The following MYO3B variants were observed in gnomAD, a reference collection of about 807,000 sequenced individuals.
MYO3B encodes the protein myosin-IIIb.
MYO3B carries 156 observed loss-of-function variants against 174.6 expected under a neutral mutation model. The observed-to-expected ratio is 0.89, with a 90% CI of 0.78 to 1.02. The LOEUF is 1.02. Among genes scored for constraint, MYO3B ranks in the 50% least tolerant of loss-of-function variants. The probability of loss-of-function intolerance (pLI) is 0.00; values close to 1 mark genes in which losing one functional copy is unlikely to be tolerated. For synonymous variants in MYO3B, 563 were observed against 569.1 expected (o/e 0.99, Z 0.15); for missense variants, 1,632 against 1,639.4 (o/e 1.00, Z 0.08).
intron 33 of MYO3B, 134 bp from the exon 34 acceptor site, chr2:170,651,974 T>C: frequency 1.1e-6 from 1 of 885,358 alleles, no homozygotes; most frequent in Admixed American, 3.1e-5. Flanking sequence ...ACTTGAGCCC[T>C]TTGATCAAAA....
intron 7 of MYO3B, among the ~76,000 whole-genome samples, chr2:170,250,439 C>T (rs2093239149): frequency 6.6e-5 from 10 of 152,160 alleles, no homozygotes; most frequent in Admixed American, 6.5e-4. Flanking sequence ...TTCCCTGACC[C>T]CCATCACAGG....
At chr2:170,476,198 G>C (rs1283946836) in intron 25 of MYO3B, among the ~76,000 whole-genome samples, 1 of 152,198 alleles carries the variant, frequency 6.6e-6, no homozygotes, top group Admixed American at 6.5e-5. Flanking sequence ...AGCGCTGTGG[G>C]TTCCAGCCCC....
intron 22 of MYO3B, chr2:170,412,230 T>C (rs1302063446): frequency 1.3e-5 from 2 of 152,212 alleles, no homozygotes; most frequent in Non-Finnish European, 2.9e-5. Context: ...CTTAAAAGGC[T>C]CAGGGGAAGA....
In MYO3B at chr2:170,359,244, A is replaced by G. The variant is rs146886581; in HGVS notation, c.816-9978A>G. ...CAAACATTTAGCTACAGGCCCATCT[A>G]TTAAATTTAAGTTTGCCTAAGATTC... On this transcript the variant is annotated intron_variant, in intron 8 of 34. Coordinates refer to ENST00000408978, the MANE Select transcript of MYO3B (RefSeq NM_138995.5). 7.9e-5 allele frequency among the ~76,000 whole-genome samples: 12 copies of G among 152,298 alleles called. No individual in the cohort carries two copies. The East Asian group carries it at 1.9e-3, about 24-fold the overall frequency.
At position 170,400,212 on chromosome 2, in the gene MYO3B, T is replaced by C. The variant is rs769611776; in HGVS notation, c.1816T>C (p.Leu606=). ...GGAGGTGCACTCAGTGTACAGAATT[T>C]TGGCTGGGATTTTGAATATTGGGAA... is the stretch of plus-strand genomic sequence containing the variant. ...DKEVHSVYRI[L]AGILNIGNIE... Residue 606 remains leucine, a synonymous_variant, in exon 17 of 35, where the codon TTG becomes CTG. Transcript: ENST00000408978. 9.9e-6 allele frequency: 16 copies of C among 1,613,906 alleles called. No individual in the cohort carries two copies. In the Admixed American group the frequency reaches 1.5e-4, roughly 15 times the overall value.
intron 6 of MYO3B, among the ~76,000 whole-genome samples, chr2:170,220,093 C>T (rs1332351634): frequency 2.0e-5 from 3 of 151,360 alleles, no homozygotes; most frequent in Non-Finnish European, 4.4e-5. Flanking sequence ...CCTGTCTCTA[C>T]TAAAAATACA....
At chr2:170,437,542 G>A (rs1009453390) in intron 22 of MYO3B, among the ~76,000 whole-genome samples, 1 of 152,054 alleles carries the variant, frequency 6.6e-6, no homozygotes, top group Non-Finnish European at 1.5e-5. Flanking sequence ...TGAACAAATA[G>A]GCCTTGCTAA....
intron 22 of MYO3B, among the ~76,000 whole-genome samples, chr2:170,412,725 C>T (rs1414730308): frequency 3.3e-5 from 5 of 152,116 alleles, no homozygotes; most frequent in Non-Finnish European, 5.9e-5. Context: ...TTCCATTTTC[C>T]ACTTATGGCT....
chr2:170,201,806 G>A (rs756470954), intron 3 of MYO3B, among the ~76,000 whole-genome samples: 2 of 149,164 alleles, frequency 1.3e-5, no homozygotes, highest in African/African-American at 4.9e-5. Context: ...TGGGGTCTCT[G>A]ATTATATTTG....
rs1559202344 is a variant in MYO3B at position 170,649,328 on chromosome 2, A to AT, written c.3734-2300_3734-2299insT. Among the ~76,000 whole-genome samples, 56 of 100,344 alleles carry AT rather than the reference A, an allele frequency of 5.6e-4. 10 individuals carry two copies. The highest frequency in any genetic ancestry group is 2.1e-3 in the African/African-American group (48 of 23,044). The allele number at this position is 100,344 out of a possible 152,430, so 65.8% of individuals were successfully genotyped here. ...ATATATATTATATATAAAATAATATAATATATATTATATATAAAATAATAT... is the reference window on the plus strand; with the variant it reads ...ATATATATTATATATAAAATAATATATATATATATTATATATAAAATAATAT... On this transcript the variant is annotated intron_variant, in intron 32 of 34. Coordinates refer to ENST00000408978, the MANE Select transcript of MYO3B (RefSeq NM_138995.5).
intron 22 of MYO3B, among the ~76,000 whole-genome samples, chr2:170,415,065 A>C (rs2094569643): frequency 6.6e-6 from 1 of 152,110 alleles, no homozygotes; most frequent in Admixed American, 6.5e-5. Context: ...AATGCTTTTT[A>C]TTTCTTTTTC....
At chr2:170,328,986 C>T (rs548475596) in intron 7 of MYO3B, among the ~76,000 whole-genome samples, 129 of 152,066 alleles carry the variant, frequency 8.5e-4, no homozygotes, top group Admixed American at 1.9e-3. Flanking sequence ...CATGGTGAAA[C>T]ACTGTCTCTA....
chr2:170,561,673 C>G (rs533290850), intron 32 of MYO3B, among the ~76,000 whole-genome samples: 1 of 152,164 alleles, frequency 6.6e-6, no homozygotes, highest in Non-Finnish European at 1.5e-5. Context: ...GTTTGGGAAG[C>G]TTGATCGAAG....
At chr2:170,622,582 TA>T (rs200151554) in intron 32 of MYO3B, among the ~76,000 whole-genome samples, 5,760 of 150,966 alleles carry the variant, frequency 0.038, 373 homozygotes, top group African/African-American at 0.13. Context: ...CATTTTTTTT[TA>T]TTATTATACT....
chr2:170,481,331 G>T (rs936473992), intron 25 of MYO3B, among the ~76,000 whole-genome samples: 8 of 152,144 alleles, frequency 5.3e-5, no homozygotes, highest in Admixed American at 3.9e-4. Context: ...AGTGGCTCGC[G>T]CCTGTAACCC....
chr2:170,613,583 T>C (rs1446355022), intron 32 of MYO3B, among the ~76,000 whole-genome samples: 2 of 152,190 alleles, frequency 1.3e-5, no homozygotes, highest in Non-Finnish European at 2.9e-5. Context: ...ATACTGAGTG[T>C]CAACTTGACT....
At chr2:170,602,171 CA>C in intron 32 of MYO3B, 5 of 1,243,742 alleles carry the variant, frequency 4.0e-6, no homozygotes, top group Non-Finnish European at 5.9e-6. Flanking sequence ...CAAGTTTGCA[CA>C]AAAAATGCAT....
At chr2:170,401,428 T>G in intron 17 of MYO3B, 53 bp from the exon 18 acceptor site, 5 of 1,519,348 alleles carry the variant, frequency 3.3e-6, no homozygotes, top group Admixed American at 1.7e-5. Context: ...CTGAACAGAC[T>G]GACTGAATGA....
rs1003646048 is a variant in MYO3B, at chr2:170,599,783, C to G, written c.3734-51845C>G. 1.8e-4 allele frequency among the ~76,000 whole-genome samples: 27 copies of G among 152,234 alleles called. No individual in the cohort carries two copies. The East Asian group carries it at 4.8e-3, about 27-fold the overall frequency. On this transcript the variant is annotated intron_variant, in intron 32 of 34. Coordinates refer to ENST00000408978, the MANE Select transcript of MYO3B (RefSeq NM_138995.5). ...CAAAAAAAGTTCTTTTTGATGTGTT[C>G]AGCTCAATATTTTAGAGTGCTTGCC...
Sources: allele counts gnomAD v4.1 joint callset (sites outside exome capture counted in the v4.1 genomes callset), GRCh38; gene constraint gnomAD v4.1.1; transcripts MANE v1.5; gene names NCBI Gene and HGNC (gene_info 2026-07-23, HGNC 2026-07-21).